SORCS3: variants seen among roughly 807,000 people sequenced by gnomAD.
SORCS3 encodes the protein VPS10 domain-containing receptor SorCS3.
A neutral mutation model predicts 146.3 loss-of-function variants in SORCS3; 57 were observed. That is an observed-to-expected ratio of 0.39 (90% CI 0.31 to 0.49). The LOEUF (loss-of-function observed/expected upper bound fraction) is 0.49. SORCS3 is among the 20% of genes least tolerant of loss of function. The pLI, the probability that SORCS3 is intolerant of heterozygous loss-of-function variation, is 0.92. For missense variants in SORCS3, 1,341 were observed against 1,575.5 expected, an observed-to-expected ratio of 0.85 and a Z score of 2.52; for synonymous variants, 653 against 618.5, an observed-to-expected ratio of 1.06 and a Z score of -0.83.
At chr10:105,138,969 T>TA (rs2056076735) in intron 7 of SORCS3, among the ~76,000 whole-genome samples, 1 of 152,262 alleles carries the variant, frequency 6.6e-6, no homozygotes, top group Non-Finnish European at 1.5e-5. Flanking sequence ...TGAACAATAG[T>TA]AATTATTCAG....
rs369588553 is a variant in SORCS3, at chr10:105,241,289, A to C, written c.2869-4253A>C. On this transcript the variant is annotated intron_variant, in intron 20 of 26. Transcript: ENST00000369701. ...GAGTTAGTGTGGGATCTGGCCATAC[A>C]CTCTGGGTGCTGACACAGGAGCAAG... Among the ~76,000 whole-genome samples the C allele has an allele frequency of 4.0e-4, 61 of 152,170 alleles. No homozygotes were observed. In the East Asian group the frequency reaches 9.5e-3, roughly 24 times the overall value.
At chr10:105,119,423 C>T (rs2055915978) in intron 7 of SORCS3, among the ~76,000 whole-genome samples, 1 of 152,194 alleles carries the variant, frequency 6.6e-6, no homozygotes, top group South Asian at 2.1e-4. Context: ...CATAGAGTCC[C>T]TACTGGGGCA....
At chr10:104,940,236 ATATTTTT>A (rs1186666640) in intron 3 of SORCS3, among the ~76,000 whole-genome samples, 246 of 23,556 alleles carry the variant, frequency 0.01, no homozygotes, top group African/African-American at 0.03. Context: ...ATATATATAT[ATATTTTT>A]TTTTTTTTTT....
chr10:105,068,660 C>T (rs2055537136), intron 5 of SORCS3, among the ~76,000 whole-genome samples: 1 of 152,132 alleles, frequency 6.6e-6, no homozygotes, highest in African/African-American at 2.4e-5. Flanking sequence ...GTCATGATTC[C>T]TTGTGAAGTG....
rs755755127 is a variant in SORCS3 at position 105,217,161 on chromosome 10, C to T, written c.2734+39C>T. 1.0e-5 allele frequency: 16 copies of T among 1,604,300 alleles called. No individual in the cohort carries two copies. In the East Asian group the frequency reaches 3.6e-4, roughly 36 times the overall value. ...ACCATCCCCGTTTTCCCTTTGTTCC[C>T]AGTTGGCAACTTGCTCTGTTCAGAC... On this transcript the variant is annotated intron_variant, in intron 19 of 26. Coordinates refer to ENST00000369701, the MANE Select transcript of SORCS3 (RefSeq NM_014978.3).
chr10:104,857,644 G>A (rs1319985209), intron 2 of SORCS3, among the ~76,000 whole-genome samples: 3 of 152,252 alleles, frequency 2.0e-5, no homozygotes, highest in East Asian at 1.9e-4. Flanking sequence ...TTTCCCCCCA[G>A]AATCTCTGGC....
intron 2 of SORCS3, among the ~76,000 whole-genome samples, chr10:104,889,631 G>A (rs1182851071): frequency 1.3e-5 from 2 of 151,982 alleles, no homozygotes; most frequent in African/African-American, 4.8e-5. Context: ...CCCTAAAACA[G>A]TATACTCTCC....
intron 3 of SORCS3, among the ~76,000 whole-genome samples, chr10:104,974,175 A>C (rs745964488): frequency 4.3e-4 from 65 of 152,174 alleles, no homozygotes; most frequent in Admixed American, 3.1e-3. Flanking sequence ...ATATTTTTTG[A>C]TTTGGGGTGG....
chr10:104,975,483 G>A (rs1175839542), intron 3 of SORCS3, among the ~76,000 whole-genome samples: 3 of 152,126 alleles, frequency 2.0e-5, no homozygotes, highest in Non-Finnish European at 4.4e-5. Flanking sequence ...TGGCCATACT[G>A]CCCAAGGTAA....
At chr10:104,785,080 A>ACC (rs759206919) in intron 1 of SORCS3, among the ~76,000 whole-genome samples, 55 of 122,878 alleles carry the variant, frequency 4.5e-4, no homozygotes, top group African/African-American at 1.0e-3. Flanking sequence ...AGGGGGGCTG[A>ACC]CCCCCCCCCA....
At chr10:104,951,360 T>A (rs970873984) in intron 3 of SORCS3, among the ~76,000 whole-genome samples, 1 of 152,146 alleles carries the variant, frequency 6.6e-6, no homozygotes, top group African/African-American at 2.4e-5. Flanking sequence ...AGGGTCAGTG[T>A]CTTGCTCTGT....
intron 6 of SORCS3, among the ~76,000 whole-genome samples, chr10:105,095,017 T>C (rs2055736007): frequency 6.6e-6 from 1 of 152,172 alleles, no homozygotes; most frequent in African/African-American, 2.4e-5. Context: ...TGATAAAGCT[T>C]CATGAAGCAA....
intron 1 of SORCS3, among the ~76,000 whole-genome samples, chr10:104,794,318 T>A (rs991475734): frequency 3.3e-5 from 5 of 152,174 alleles, no homozygotes; most frequent in Non-Finnish European, 7.3e-5. Flanking sequence ...TACTCCCCAG[T>A]GAGCCTGTTT....
intron 1 of SORCS3, among the ~76,000 whole-genome samples, chr10:104,648,758 A>G (rs761596857): frequency 2.6e-5 from 4 of 152,240 alleles, no homozygotes; most frequent in Non-Finnish European, 5.9e-5. Context: ...TTATAGAAAT[A>G]CTGTTGTTTA....
intron 1 of SORCS3, among the ~76,000 whole-genome samples, chr10:104,692,409 T>C (rs1423709077): frequency 6.6e-6 from 1 of 152,176 alleles, no homozygotes; most frequent in Non-Finnish European, 1.5e-5. Context: ...GAGTTTTCTG[T>C]ATGTACACAA....
At chr10:105,164,419 A>G in intron 12 of SORCS3, 40 bp downstream of exon 12, 1 of 1,353,366 alleles carries the variant, frequency 7.4e-7, no homozygotes, top group Non-Finnish European at 1.1e-6. Context: ...AGGCATTTAG[A>G]GTAAGTTCTA....
At chr10:104,748,807 C>T (rs1199620944) in intron 1 of SORCS3, among the ~76,000 whole-genome samples, 5 of 152,168 alleles carry the variant, frequency 3.3e-5, no homozygotes, top group Admixed American at 6.5e-5. Flanking sequence ...GAGCTGAGAT[C>T]GTGCCATTGC....
intron 1 of SORCS3, among the ~76,000 whole-genome samples, chr10:104,696,443 T>A (rs796697698): frequency 4.7e-4 from 1 of 2,108 alleles, no homozygotes; most frequent in African/African-American, 6.2e-4. Context: ...GAATATATAA[T>A]ATATAGAATA....
chr10:104,731,808 G>A (rs560045776), intron 1 of SORCS3, among the ~76,000 whole-genome samples: 2 of 152,300 alleles, frequency 1.3e-5, no homozygotes, highest in South Asian at 4.1e-4. Flanking sequence ...CAAAGCATGA[G>A]TGAGGACAAA....
Sources: gnomAD v4.1 joint callset for allele counts (sites outside exome capture counted in the v4.1 genomes callset) on GRCh38, gnomAD v4.1.1 for gene constraint, MANE v1.5 for transcripts, NCBI Gene and HGNC (gene_info 2026-07-23, HGNC 2026-07-21) for gene names.